The following LMNA variants were observed in gnomAD, a reference collection of about 807,000 sequenced individuals.
LMNA encodes the protein lamin A/C, also known as lamin.
LMNA carries 20 observed loss-of-function variants against 70.4 expected under a neutral mutation model. That is an observed-to-expected ratio of 0.28 (90% CI 0.20 to 0.41). The LOEUF is 0.41. Ranked by LOEUF, LMNA falls within the 10% of genes least tolerant of loss-of-function variation. LMNA has a pLI of 1.00. For missense variants in LMNA, 652 were observed against 917.2 expected, an observed-to-expected ratio of 0.71 and a Z score of 3.73; for synonymous variants, 339 against 372.8, an observed-to-expected ratio of 0.91 and a Z score of 1.04.
Position 156,136,542 on chromosome 1 carries a change from G to A in LMNA, c.1380+106G>A. 1 of 1,195,540 alleles carries A rather than the reference G, an allele frequency of 8.4e-7. No individual in the cohort carries two copies. Among genetic ancestry groups the A allele is most frequent in the Non-Finnish European group, 1.2e-6 (1 of 836,870 alleles). 74.1% of individuals were successfully genotyped at this position (1,195,540 alleles called of 1,614,324 possible). Reference sequence around the variant, plus strand: ...AGGAACATCCTTGCCCTCAGAGGGTGGACCAGGGTGAGCCTGTATATCTCC... The same window carrying A: ...AGGAACATCCTTGCCCTCAGAGGGTAGACCAGGGTGAGCCTGTATATCTCC... On this transcript the variant is annotated intron_variant, in intron 7 of 11. Coordinates refer to ENST00000368300, the MANE Select transcript of LMNA (RefSeq NM_170707.4). The surrounding 1 kb of genome is among the most constrained non-coding windows in gnomAD (Gnocchi z 6.1).
chr1:156,086,538 T>G (rs1320122573), intron 2 of LMNA, among the ~76,000 whole-genome samples: 2 of 152,068 alleles, frequency 1.3e-5, no homozygotes, highest in African/African-American at 4.8e-5. Context: ...GCAGGAAAGG[T>G]GACACAGTGG....
Position 156,114,818 on chromosome 1 carries a change from G to C in LMNA, c.-101G>C, listed in dbSNP as rs979021083. 1.2e-6 allele frequency: 1 copy of C among 809,248 alleles called. No homozygotes were observed. The highest frequency in any genetic ancestry group is 1.9e-6 in the Non-Finnish European group (1 of 535,450). 50.1% of individuals were successfully genotyped at this position (809,248 alleles called of 1,614,324 possible). ...CCAGGAGCAAGCCGAGAGCCAGCCG[G>C]CCGGCGCACTCCGACTCCGAGCAGT... On this transcript the variant is annotated 5_prime_UTR_variant, in exon 1 of 12. Transcript: ENST00000368300.
At position 156,134,318 on chromosome 1, in the gene LMNA, C is replaced by A; in HGVS notation, c.514-85C>A. ...CTGTTTCCACATGTGTGAAGGGGTG[C>A]ACAGGCAGCAGCCCACCTCTCAGCT... is the stretch of plus-strand genomic sequence containing the variant. On this transcript the variant is annotated intron_variant, in intron 2 of 11. Transcript: ENST00000368300. This position sits in a 1 kb window ranked among gnomAD's most constrained non-coding sequence, Gnocchi z 5.3. 6.7e-7 allele frequency: 1 copy of A among 1,486,954 alleles called. No homozygotes were observed. Among genetic ancestry groups the A allele is most frequent in the Non-Finnish European group, 9.2e-7 (1 of 1,083,718 alleles). The allele number at this position is 1,486,954 out of a possible 1,614,324, so 92.1% of individuals were successfully genotyped here. A position where few individuals can be genotyped will look rare whatever the true frequency, so the allele number is the denominator to read the frequency against.
Position 156,137,634 on chromosome 1 carries a change from T to G in LMNA, c.1609-20T>G. 6.4e-7 allele frequency: 1 copy of G among 1,550,660 alleles called. No individual in the cohort carries two copies. The highest frequency in any genetic ancestry group is 8.7e-7 in the Non-Finnish European group (1 of 1,146,100). On this transcript the variant is annotated intron_variant, in intron 9 of 11. Coordinates refer to ENST00000368300, the MANE Select transcript of LMNA (RefSeq NM_170707.4). This position sits in a 1 kb window ranked among gnomAD's most constrained non-coding sequence, Gnocchi z 4.6. ...CTTCCCTGGCCCTGACCCTTGGACCTGGTTCCATGTCCCCACCAGGAAGTG... is the reference window on the plus strand; with the variant it reads ...CTTCCCTGGCCCTGACCCTTGGACCGGGTTCCATGTCCCCACCAGGAAGTG...
intron 3 of LMNA, among the ~76,000 whole-genome samples, chr1:156,099,746 C>T (rs150227100): frequency 0.011 from 1,606 of 151,202 alleles, 106 homozygotes; most frequent in Admixed American, 0.094. Context: ...ATTAGCTGGG[C>T]GTGCTGGTGT....
At position 156,137,260 on chromosome 1, in the gene LMNA, C is replaced by T; in HGVS notation, c.1608+28C>T. 2 of 1,547,782 alleles carry T rather than the reference C, an allele frequency of 1.3e-6. No individual in the cohort carries two copies. The highest frequency in any genetic ancestry group is 2.7e-5 in the African/African-American group (2 of 73,546). ...AAGTAGGCCTGGGCCTGGCTGCTTG[C>T]TGGACGAGGCTCCCCCTGATGGCCA... On this transcript the variant is annotated intron_variant, in intron 9 of 11. Transcript: ENST00000368300. This position sits in a 1 kb window ranked among gnomAD's most constrained non-coding sequence, Gnocchi z 4.6.
intron 2 of LMNA, among the ~76,000 whole-genome samples, chr1:156,089,891 G>A (rs1648629731): frequency 6.6e-6 from 1 of 152,324 alleles, no homozygotes; most frequent in East Asian, 1.9e-4. Flanking sequence ...GCCCCTCTGG[G>A]ACTTAGGGCT....
At chr1:156,082,803 T>G (rs1360243022) in intron 1 of LMNA, 1 of 149,622 alleles carries the variant, frequency 6.7e-6, no homozygotes, top group African/African-American at 2.5e-5. Context: ...GGGCCCGCTT[T>G]TTTATGGAAA....
intron 2 of LMNA, among the ~76,000 whole-genome samples, chr1:156,089,104 AGTT>A (rs1648593706): frequency 6.6e-6 from 1 of 151,874 alleles, no homozygotes; most frequent in East Asian, 1.9e-4. Flanking sequence ...CAGCTTCCTG[AGTT>A]GTTTGGTCTA....
At chr1:156,099,713 CAG>C (rs1285308483) in intron 3 of LMNA, among the ~76,000 whole-genome samples, 2 of 151,848 alleles carry the variant, frequency 1.3e-5, no homozygotes, top group Non-Finnish European at 2.9e-5. Context: ...GAAAACCCTA[CAG>C]AGTCTACTAA....
intron 3 of LMNA, among the ~76,000 whole-genome samples, chr1:156,095,422 T>C (rs1041259912): frequency 2.0e-5 from 3 of 152,076 alleles, no homozygotes; most frequent in African/African-American, 7.2e-5. Flanking sequence ...ACTCCCCATC[T>C]CAGTTTCCTC....
chr1:156,130,506 G>GT, intron 1 of LMNA, 111 bp from the exon 2 acceptor site: 1 of 1,167,662 alleles, frequency 8.6e-7, no homozygotes, highest in Non-Finnish European at 1.3e-6. Flanking sequence ...CCCTCTCCTG[G>GT]TAATTGCAGG....
intron 1 of LMNA, among the ~76,000 whole-genome samples, chr1:156,118,856 C>A (rs1650008358): frequency 6.6e-6 from 1 of 152,166 alleles, no homozygotes; most frequent in South Asian, 2.1e-4. Context: ...TTGACCCAGC[C>A]TGGGTACCTC....
chr1:156,095,554 A>G (rs6691659), intron 3 of LMNA, among the ~76,000 whole-genome samples: 46,243 of 149,198 alleles, frequency 0.31, 9,550 homozygotes, highest in East Asian at 0.72. Flanking sequence ...ACGGGGTTTC[A>G]CCAGGTTGGG....
At chr1:156,114,072 C>T (rs992614839), upstream of LMNA, among the ~76,000 whole-genome samples, 1 of 152,116 alleles carries the variant, frequency 6.6e-6, no homozygotes, top group Non-Finnish European at 1.5e-5. Flanking sequence ...AAAGGGACCC[C>T]CCAAACTCCT....
At chr1:156,111,879 C>T (rs1170870158), upstream of LMNA, among the ~76,000 whole-genome samples, 1 of 152,262 alleles carries the variant, frequency 6.6e-6, no homozygotes, top group East Asian at 1.9e-4. Context: ...CTCCAGCAGG[C>T]TCAGCTCCTC....
At chr1:156,105,991 G>A (rs909352033) in intron 3 of LMNA, among the ~76,000 whole-genome samples, 2 of 152,008 alleles carry the variant, frequency 1.3e-5, no homozygotes, top group African/African-American at 4.8e-5. Context: ...AAAAAATAGC[G>A]GGGCGTGGTG....
intron 1 of LMNA, chr1:156,129,872 C>T (rs1361211619): frequency 1.3e-6 from 1 of 770,762 alleles, no homozygotes; most frequent in Non-Finnish European, 2.4e-6. Context: ...GCCTGGGATC[C>T]ACATCTGGAA....
intron 1 of LMNA, among the ~76,000 whole-genome samples, chr1:156,128,917 G>A (rs1391223252): frequency 6.6e-6 from 1 of 152,178 alleles, no homozygotes; most frequent in Non-Finnish European, 1.5e-5. Context: ...AGTTGCCCCA[G>A]TTGCTTCACT....
Sources: gnomAD v4.1 joint callset for allele counts (sites outside exome capture counted in the v4.1 genomes callset) on GRCh38, gnomAD v4.1.1 for gene constraint, Gnocchi (gnomAD v3.1) non-coding constraint, MANE v1.5 for transcripts, NCBI Gene and HGNC (gene_info 2026-07-23, HGNC 2026-07-21) for gene names.